PDE1C: variants seen among roughly 807,000 people sequenced by gnomAD.
The protein encoded by PDE1C is dual specificity calcium/calmodulin-dependent 3',5'-cyclic nucleotide phosphodiesterase 1C.
In PDE1C, 62 loss-of-function variants were observed where a neutral mutation model predicts 93.1. The observed-to-expected ratio is 0.67, with a 90% CI of 0.54 to 0.82. The LOEUF is 0.82. PDE1C is among the 40% of genes least tolerant of loss of function. PDE1C has a pLI of 0.00. For missense variants in PDE1C, 742 were observed against 884.6 expected (o/e 0.84, Z 2.04); for synonymous variants, 325 against 310.1 (o/e 1.05, Z -0.50).
At chr7:32,163,436 G>A (rs1487071456) in intron 3 of PDE1C, among the ~76,000 whole-genome samples, 1 of 152,126 alleles carries the variant, frequency 6.6e-6, no homozygotes, top group African/African-American at 2.4e-5. Context: ...CCATTAAATG[G>A]GATCTGACAA....
chr7:32,236,953 C>T (rs1808128786), intron 1 of PDE1C, among the ~76,000 whole-genome samples: 2 of 152,022 alleles, frequency 1.3e-5, no homozygotes, highest in African/African-American at 4.8e-5. Context: ...AATACTACTA[C>T]TCAGCCATAC....
chr7:31,912,196 TAAGAA>T (rs780781765), intron 2 of PDE1C, among the ~76,000 whole-genome samples: 9 of 152,278 alleles, frequency 5.9e-5, no homozygotes, highest in South Asian at 4.1e-4. Context: ...AAACAATAGA[TAAGAA>T]GAGAGAATTC....
the PDE1C span, chr7:31,643,139 A>C: frequency 2.5e-6 from 4 of 1,614,002 alleles, no homozygotes; most frequent in Non-Finnish European, 3.4e-6. Context: ...GGCAAAGTGC[A>C]AAGCCACCAC....
chr7:32,071,556 G>T, upstream of PDE1C: 1 of 359,772 alleles, frequency 2.8e-6, no homozygotes. Context: ...TACCAATAGT[G>T]AGGAGGTAAG....
In PDE1C at chr7:31,823,308, T is replaced by C. The variant is rs1007883847; in HGVS notation, c.1407-60A>G. The C allele has an allele frequency of 6.2e-6, 9 of 1,440,702 alleles. No individual in the cohort carries two copies. In the South Asian group the frequency reaches 7.8e-5, roughly 12 times the overall value. The allele number at this position is 1,440,702 out of a possible 1,614,324, so 89.2% of individuals were successfully genotyped here. On this transcript the variant is annotated intron_variant, in intron 13 of 17. Coordinates refer to ENST00000396191, the MANE Select transcript of PDE1C (RefSeq NM_001191057.4). ...TTAGTGTTTGGAAAATGTCTGCCAATGAGCAAGCCCAGAGGAGGAATGGTT... is the reference window on the plus strand; with the variant it reads ...TTAGTGTTTGGAAAATGTCTGCCAACGAGCAAGCCCAGAGGAGGAATGGTT...
At chr7:32,275,831 T>G (rs41519845) in intron 1 of PDE1C, among the ~76,000 whole-genome samples, 3 of 152,098 alleles carry the variant, frequency 2.0e-5, no homozygotes, top group Non-Finnish European at 4.4e-5. Context: ...TCACTTGTTC[T>G]TCTGTTTAAC....
intron 2 of PDE1C, among the ~76,000 whole-genome samples, chr7:32,206,714 C>T (rs957003393): frequency 6.6e-6 from 1 of 152,236 alleles, no homozygotes; most frequent in East Asian, 1.9e-4. Context: ...ATGAGGTATT[C>T]TTCTAGCTCA....
At chr7:32,314,358 G>A (rs1288898256) in intron 1 of PDE1C, among the ~76,000 whole-genome samples, 1 of 152,064 alleles carries the variant, frequency 6.6e-6, no homozygotes, top group African/African-American at 2.4e-5. Flanking sequence ...GAAAAATTTG[G>A]TCACTAATAT....
At chr7:31,841,424 C>G (rs1391129419) in intron 9 of PDE1C, among the ~76,000 whole-genome samples, 1 of 151,980 alleles carries the variant, frequency 6.6e-6, no homozygotes, top group Non-Finnish European at 1.5e-5. Flanking sequence ...AATGTAAGAT[C>G]AAGCATCTTT....
chr7:31,960,933 T>C (rs1236488883), intron 2 of PDE1C, among the ~76,000 whole-genome samples: 1 of 152,134 alleles, frequency 6.6e-6, no homozygotes, highest in Non-Finnish European at 1.5e-5. Flanking sequence ...TGCCTCCTGT[T>C]CATGCATTTC....
intron 1 of PDE1C, among the ~76,000 whole-genome samples, chr7:32,260,964 G>C (rs1156595020): frequency 6.6e-6 from 1 of 152,156 alleles, no homozygotes. Flanking sequence ...ACAAAAATTA[G>C]CTGGGCATGA....
chr7:31,883,480 TC>T (rs1797496398), intron 2 of PDE1C, among the ~76,000 whole-genome samples: 1 of 152,356 alleles, frequency 6.6e-6, no homozygotes, highest in East Asian at 1.9e-4. Flanking sequence ...CTGACACGTC[TC>T]CTTTTACTAG....
At chr7:31,908,417 G>A (rs187617179) in intron 2 of PDE1C, among the ~76,000 whole-genome samples, 101 of 152,264 alleles carry the variant, frequency 6.6e-4, no homozygotes, top group African/African-American at 2.0e-3. Context: ...CAGTAAGGGT[G>A]CGTGAGTACT....
chr7:32,017,581 T>C (rs1788075821), intron 2 of PDE1C, among the ~76,000 whole-genome samples: 2 of 152,064 alleles, frequency 1.3e-5, no homozygotes, highest in South Asian at 2.1e-4. Flanking sequence ...GAATGGGAGA[T>C]AACATTTGCA....
At chr7:31,674,008 A>T in the PDE1C span, among the ~76,000 whole-genome samples, 1 of 152,146 alleles carries the variant, frequency 6.6e-6, no homozygotes, top group Non-Finnish European at 1.5e-5. Context: ...CTATGTGTGT[A>T]TTTTTTTGTC....
At chr7:32,331,778 G>A (rs1376260437) in intron 1 of PDE1C, among the ~76,000 whole-genome samples, 1 of 152,194 alleles carries the variant, frequency 6.6e-6, no homozygotes, top group African/African-American at 2.4e-5. Context: ...TCCCAAGTTT[G>A]GGACTGAACA....
At chr7:32,181,052 T>A (rs1803370851) in intron 2 of PDE1C, among the ~76,000 whole-genome samples, 1 of 152,182 alleles carries the variant, frequency 6.6e-6, no homozygotes, top group African/African-American at 2.4e-5. Flanking sequence ...TTTGAAACAA[T>A]CTTGTATAGG....
At chr7:31,933,540 T>C (rs1429887806) in intron 2 of PDE1C, among the ~76,000 whole-genome samples, 1 of 152,204 alleles carries the variant, frequency 6.6e-6, no homozygotes. Flanking sequence ...ACAAGTGCAT[T>C]GTGTAACAGT....
intron 3 of PDE1C, among the ~76,000 whole-genome samples, chr7:32,132,852 C>T (rs577060798): frequency 2.7e-4 from 41 of 152,084 alleles, no homozygotes; most frequent in African/African-American, 8.9e-4. Context: ...TTTAGAAGTA[C>T]GGCTAGTGAG....
Sources: allele counts gnomAD v4.1 joint callset (sites outside exome capture counted in the v4.1 genomes callset), GRCh38; gene constraint gnomAD v4.1.1; transcripts MANE v1.5; gene names NCBI Gene and HGNC (gene_info 2026-07-23, HGNC 2026-07-21).